CACNB2: variants seen among roughly 807,000 people sequenced by gnomAD.
CACNB2 encodes calcium voltage-gated channel auxiliary subunit beta 2.
A neutral mutation model predicts 73.3 loss-of-function variants in CACNB2; 42 were observed. The observed-to-expected ratio is 0.57, with a 90% CI of 0.45 to 0.74. CACNB2 has a LOEUF of 0.74. CACNB2 is among the 30% of genes least tolerant of loss of function. The pLI is 0.00. For synonymous variants in CACNB2, 348 were observed against 310.3 expected (o/e 1.12, Z -1.28); for missense variants, 940 against 853.0 (o/e 1.10, Z -1.27).
chr10:18,181,319 A>T (rs2033867435), intron 2 of CACNB2, among the ~76,000 whole-genome samples: 1 of 152,050 alleles, frequency 6.6e-6, no homozygotes, highest in Non-Finnish European at 1.5e-5. Context: ...CAATAAGCTG[A>T]ATCTTATTTT....
At chr10:18,197,143 A>AG (rs921157284) in intron 2 of CACNB2, among the ~76,000 whole-genome samples, 1 of 152,128 alleles carries the variant, frequency 6.6e-6, no homozygotes, top group African/African-American at 2.4e-5. Flanking sequence ...TAGTTATCAG[A>AG]TACAGAGCTC....
At chr10:18,258,986 T>C (rs77761160) in intron 2 of CACNB2, among the ~76,000 whole-genome samples, 3,348 of 152,258 alleles carry the variant, frequency 0.022, 109 homozygotes, top group African/African-American at 0.072. Context: ...ATCACTAAAG[T>C]GTCCTTATTT....
intron 2 of CACNB2, among the ~76,000 whole-genome samples, chr10:18,375,288 C>G (rs980044476): frequency 6.6e-6 from 1 of 152,130 alleles, no homozygotes; most frequent in South Asian, 2.1e-4. Flanking sequence ...ACTTCTCCCT[C>G]CCAATCCTGC....
chr10:18,202,280 G>T (rs995184485), intron 2 of CACNB2, among the ~76,000 whole-genome samples: 1 of 152,212 alleles, frequency 6.6e-6, no homozygotes, highest in East Asian at 1.9e-4. Context: ...AAGCAGAACT[G>T]TGAAGGTTAT....
chr10:18,184,474 T>C (rs1177353076), intron 2 of CACNB2, among the ~76,000 whole-genome samples: 2 of 152,168 alleles, frequency 1.3e-5, no homozygotes, highest in African/African-American at 4.8e-5. Context: ...ACCTTTGTTA[T>C]AATTAATGAA....
intron 2 of CACNB2, among the ~76,000 whole-genome samples, chr10:18,172,544 G>A (rs2033316168): frequency 6.6e-6 from 1 of 152,070 alleles, no homozygotes; most frequent in Non-Finnish European, 1.5e-5. Context: ...GGAAGAAAGA[G>A]ATGTTCAGAG....
chr10:18,458,100 C>T (rs955463694), intron 3 of CACNB2, among the ~76,000 whole-genome samples: 6 of 152,160 alleles, frequency 3.9e-5, no homozygotes, highest in African/African-American at 1.4e-4. Flanking sequence ...TCTGCTATCT[C>T]ATTGTCTTTT....
chr10:18,498,892 A>T (rs10828779), intron 4 of CACNB2: 152,352 of 202,696 alleles, frequency 0.75, 58,180 homozygotes, highest in East Asian at 0.91. Context: ...GTGTCTCAAT[A>T]CAAACTACTG....
intron 2 of CACNB2, among the ~76,000 whole-genome samples, chr10:18,278,503 A>G (rs2038394357): frequency 6.6e-6 from 1 of 152,166 alleles, no homozygotes; most frequent in Non-Finnish European, 1.5e-5. Flanking sequence ...GGATGAGAAA[A>G]GTCGCAGTGA....
At chr10:18,429,660 C>A (rs2045777172) in intron 3 of CACNB2, among the ~76,000 whole-genome samples, 1 of 118,162 alleles carries the variant, frequency 8.5e-6, no homozygotes. Context: ...GACTCCGTCT[C>A]TACCAAAAAA....
chr10:18,523,895 A>G (rs1470329876), intron 9 of CACNB2, among the ~76,000 whole-genome samples: 1 of 152,248 alleles, frequency 6.6e-6, no homozygotes, highest in East Asian at 1.9e-4. Context: ...TAGTTATGCG[A>G]AAGGTTCTAG....
chr10:18,148,731 A>T (rs1005043846), intron 1 of CACNB2, among the ~76,000 whole-genome samples: 1 of 152,078 alleles, frequency 6.6e-6, no homozygotes, highest in Non-Finnish European at 1.5e-5. Context: ...ATGGTAGCTC[A>T]CTCCTGTAGT....
intron 3 of CACNB2, among the ~76,000 whole-genome samples, chr10:18,409,427 T>C (rs900354857): frequency 1.3e-5 from 2 of 152,134 alleles, no homozygotes; most frequent in Admixed American, 6.6e-5. Context: ...TATGAACCAC[T>C]GTGCCCTGGA....
At chr10:18,442,923 T>C (rs1198162224) in intron 3 of CACNB2, among the ~76,000 whole-genome samples, 1 of 85,770 alleles carries the variant, frequency 1.2e-5, no homozygotes, top group African/African-American at 6.3e-5. Flanking sequence ...TATATATATA[T>C]ATGTATATAT....
intron 2 of CACNB2, among the ~76,000 whole-genome samples, chr10:18,294,326 G>C (rs1196821255): frequency 1.3e-5 from 2 of 151,850 alleles, no homozygotes; most frequent in African/African-American, 4.8e-5. Flanking sequence ...AAAGATGATA[G>C]CAACCAGCAT....
At chr10:18,290,329 C>T (rs528492489) in intron 2 of CACNB2, among the ~76,000 whole-genome samples, 1 of 151,654 alleles carries the variant, frequency 6.6e-6, no homozygotes, top group Admixed American at 6.6e-5. Flanking sequence ...GCCTGGCCTC[C>T]TTTTCTTTAA....
intron 2 of CACNB2, among the ~76,000 whole-genome samples, chr10:18,195,748 C>G (rs1329295655): frequency 2.0e-5 from 3 of 152,150 alleles, no homozygotes; most frequent in Middle Eastern, 3.2e-3. Flanking sequence ...AATCTGTGGA[C>G]TGGTTCTGAC....
chr10:18,390,092 T>C (rs897526426), intron 2 of CACNB2, among the ~76,000 whole-genome samples: 2 of 152,212 alleles, frequency 1.3e-5, no homozygotes, highest in Non-Finnish European at 2.9e-5. Context: ...TTCATGCCTG[T>C]AGATTAATTG....
intron 2 of CACNB2, among the ~76,000 whole-genome samples, chr10:18,318,702 C>G (rs1425838785): frequency 6.6e-6 from 1 of 152,008 alleles, no homozygotes; most frequent in Non-Finnish European, 1.5e-5. Context: ...TGCAATCTAC[C>G]TATCTGACAA....
Sources: gnomAD v4.1 joint callset for allele counts (sites outside exome capture counted in the v4.1 genomes callset) on GRCh38, gnomAD v4.1.1 for gene constraint, MANE v1.5 for transcripts, NCBI Gene and HGNC (gene_info 2026-07-23, HGNC 2026-07-21) for gene names.